The following ITGBL1 variants were observed in gnomAD, a reference collection of about 807,000 sequenced individuals.
ITGBL1 encodes the protein integrin subunit beta like 1.
ITGBL1 carries 51 observed loss-of-function variants against 68.5 expected under a neutral mutation model. That is an observed-to-expected ratio of 0.74 (90% CI 0.59 to 0.94). ITGBL1 has a LOEUF of 0.94. Ranked by LOEUF, ITGBL1 falls within the 40% of genes least tolerant of loss-of-function variation. ITGBL1 has a pLI of 0.00. For missense variants in ITGBL1, 649 were observed against 647.4 expected (o/e 1.00, Z -0.03); for synonymous variants, 209 against 227.3 (o/e 0.92, Z 0.72).
intron 2 of ITGBL1, among the ~76,000 whole-genome samples, chr13:101,493,567 A>G (rs2048811948): frequency 6.6e-6 from 1 of 152,112 alleles, no homozygotes; most frequent in African/African-American, 2.4e-5. Flanking sequence ...GCTGCATGAC[A>G]ACTCTCCTCC....
chr13:101,660,613 T>C (rs762525332), intron 7 of ITGBL1, among the ~76,000 whole-genome samples: 4 of 152,160 alleles, frequency 2.6e-5, no homozygotes, highest in Non-Finnish European at 5.9e-5. Context: ...TTTTATTAGT[T>C]TTACAAGGGC....
intron 4 of ITGBL1, 31 bp from the exon 5 acceptor site, chr13:101,579,256 C>T (rs1354871829): frequency 1.3e-6 from 2 of 1,596,042 alleles, no homozygotes; most frequent in Non-Finnish European, 8.6e-7. Context: ...TTGCTTTTTT[C>T]CTCACTGTAT....
intron 2 of ITGBL1, among the ~76,000 whole-genome samples, chr13:101,503,073 C>G (rs2048969964): frequency 6.6e-6 from 1 of 152,156 alleles, no homozygotes; most frequent in African/African-American, 2.4e-5. Flanking sequence ...AAATTTGAAG[C>G]AAGTGCTGTG....
At chr13:101,487,732 T>C (rs950536949) in intron 2 of ITGBL1, among the ~76,000 whole-genome samples, 2 of 152,238 alleles carry the variant, frequency 1.3e-5, no homozygotes, top group Non-Finnish European at 2.9e-5. Flanking sequence ...GGCAGCACAC[T>C]GGCCTAAAGT....
chr13:101,604,887 T>TATATATATATATATATACAC, intron 7 of ITGBL1, among the ~76,000 whole-genome samples: 29 of 22,154 alleles, frequency 1.3e-3, no homozygotes, highest in South Asian at 2.6e-3. Context: ...TATATATATA[T>TATATATATATATATATACAC]ACACACACAC....
chr13:101,531,800 T>C (rs1300571019), intron 2 of ITGBL1, among the ~76,000 whole-genome samples: 1 of 151,808 alleles, frequency 6.6e-6, no homozygotes, highest in Non-Finnish European at 1.5e-5. Flanking sequence ...TGGTGCGATC[T>C]TGACTCACTG....
At chr13:101,528,910 T>C (rs980417457) in intron 2 of ITGBL1, among the ~76,000 whole-genome samples, 2 of 151,722 alleles carry the variant, frequency 1.3e-5, no homozygotes, top group Non-Finnish European at 2.9e-5. Flanking sequence ...ACTAGTCAAA[T>C]AAAATAAATA....
At chr13:101,603,810 T>C (rs2030535061) in intron 7 of ITGBL1, among the ~76,000 whole-genome samples, 1 of 151,970 alleles carries the variant, frequency 6.6e-6, no homozygotes, top group Non-Finnish European at 1.5e-5. Flanking sequence ...ATTTTTGATC[T>C]TGAGGATACT....
intron 9 of ITGBL1, 150 bp downstream of exon 9, chr13:101,707,052 A>G: frequency 4.0e-6 from 3 of 741,590 alleles, no homozygotes; most frequent in Non-Finnish European, 6.4e-6. Context: ...CTTGAAGATT[A>G]ACCAAATGAA....
At chr13:101,465,441 G>T (rs1411855691) in intron 2 of ITGBL1, among the ~76,000 whole-genome samples, 1 of 152,004 alleles carries the variant, frequency 6.6e-6, no homozygotes, top group Non-Finnish European at 1.5e-5. Context: ...GTATTATTTT[G>T]CTTCTAATAA....
At chr13:101,516,442 T>C (rs1038021098) in intron 2 of ITGBL1, among the ~76,000 whole-genome samples, 9 of 152,216 alleles carry the variant, frequency 5.9e-5, no homozygotes, top group African/African-American at 2.2e-4. Context: ...TTTGTCCTGA[T>C]GATTCAGTGG....
intron 9 of ITGBL1, chr13:101,711,366 C>T (rs1328273347): frequency 6.6e-6 from 1 of 152,368 alleles, no homozygotes; most frequent in African/African-American, 2.4e-5. Context: ...CCAGCATACA[C>T]ACACACTCAC....
chr13:101,494,493 A>C (rs904880762), intron 2 of ITGBL1, among the ~76,000 whole-genome samples: 1 of 152,234 alleles, frequency 6.6e-6, no homozygotes, highest in East Asian at 1.9e-4. Context: ...TTTTTATTAC[A>C]TATGCTTCAT....
chr13:101,541,485 G>A (rs965823073), intron 2 of ITGBL1, among the ~76,000 whole-genome samples: 2 of 152,162 alleles, frequency 1.3e-5, no homozygotes, highest in African/African-American at 4.8e-5. Flanking sequence ...CTGCGTCAAT[G>A]TTCATCAGGG....
chr13:101,535,451 TTTTAG>T (rs1280273802), intron 2 of ITGBL1, among the ~76,000 whole-genome samples: 1 of 152,078 alleles, frequency 6.6e-6, no homozygotes, highest in Admixed American at 6.6e-5. Context: ...GGTCAAATTA[TTTTAG>T]TTTAAACTTT....
At chr13:101,694,753 TTTGTTGCTTTGGA>T in intron 8 of ITGBL1, among the ~76,000 whole-genome samples, 1 of 152,286 alleles carries the variant, frequency 6.6e-6, no homozygotes, top group Admixed American at 6.5e-5. Context: ...TTTCTGTCTA[TTTGTTGCTTTGGA>T]GTAATCTCAG....
intron 5 of ITGBL1, among the ~76,000 whole-genome samples, chr13:101,580,388 T>A (rs919366099): frequency 6.6e-6 from 1 of 152,116 alleles, no homozygotes; most frequent in Admixed American, 6.5e-5. Context: ...TCTTCCTTTG[T>A]GGGGACTAAA....
chr13:101,564,186 A>G (rs1329792993), intron 2 of ITGBL1, among the ~76,000 whole-genome samples: 1 of 151,954 alleles, frequency 6.6e-6, no homozygotes, highest in Non-Finnish European at 1.5e-5. Context: ...CAAGAGCTGA[A>G]ATAATTTTTT....
At chr13:101,653,205 A>C (rs1189167921) in intron 7 of ITGBL1, among the ~76,000 whole-genome samples, 1 of 150,076 alleles carries the variant, frequency 6.7e-6, no homozygotes. Context: ...GAGGGGAGGA[A>C]AGGAGAAAGG....
Sources: allele counts gnomAD v4.1 joint callset (sites outside exome capture counted in the v4.1 genomes callset), GRCh38; gene constraint gnomAD v4.1.1; transcripts MANE v1.5; gene names NCBI Gene and HGNC (gene_info 2026-07-23, HGNC 2026-07-21).